Variants in ZFHX3 observed in about 807,000 individuals in gnomAD.
ZFHX3 encodes zinc finger homeobox protein 3.
In ZFHX3, 42 loss-of-function variants were observed where a neutral mutation model predicts 279.1. The observed-to-expected ratio is 0.15, with a 90% CI of 0.12 to 0.19. The LOEUF is 0.19. Ranked by LOEUF, ZFHX3 falls within the 10% of genes least tolerant of loss-of-function variation. The pLI, the probability that ZFHX3 is intolerant of heterozygous loss-of-function variation, is 1.00. For synonymous variants in ZFHX3, 2,293 were observed against 1,957.8 expected (o/e 1.17, Z -4.52); for missense variants, 4,981 against 4,754.0 (o/e 1.05, Z -1.40).
chr16:73,830,260 G>T (rs571437576), intron 1 of ZFHX3, among the ~76,000 whole-genome samples: 1 of 141,760 alleles, frequency 7.1e-6, no homozygotes, highest in Non-Finnish European at 1.5e-5. Context: ...GCCCTGCTTC[G>T]GCTCGCGCAC....
intron 4 of ZFHX3, among the ~76,000 whole-genome samples, chr16:73,272,589 C>T (rs1348388439): frequency 1.3e-5 from 2 of 152,188 alleles, no homozygotes; most frequent in Non-Finnish European, 2.9e-5. Flanking sequence ...AAATAAAACA[C>T]AACCGCTGCC....
intron 3 of ZFHX3, among the ~76,000 whole-genome samples, chr16:73,338,844 T>C (rs1381088740): frequency 1.3e-5 from 2 of 152,168 alleles, no homozygotes; most frequent in Non-Finnish European, 2.9e-5. Context: ...ATGAATGGTT[T>C]AGCACCATCC....
At chr16:73,407,444 C>T (rs1054195686) in intron 3 of ZFHX3, among the ~76,000 whole-genome samples, 1 of 152,102 alleles carries the variant, frequency 6.6e-6, no homozygotes, top group Non-Finnish European at 1.5e-5. Context: ...CTCTGAGACC[C>T]ACACAGCTTG....
chr16:72,981,795 G>C (rs149769951), intron 1 of ZFHX3, among the ~76,000 whole-genome samples: 1 of 152,110 alleles, frequency 6.6e-6, no homozygotes, highest in East Asian at 1.9e-4. Context: ...ATGTGACCAA[G>C]GGCACAGTCA....
intron 3 of ZFHX3, among the ~76,000 whole-genome samples, chr16:73,322,484 T>C (rs993873927): frequency 6.6e-6 from 1 of 152,204 alleles, no homozygotes; most frequent in Admixed American, 6.5e-5. Context: ...GAAGAATGTT[T>C]AGCTTCGGGT....
At chr16:73,369,239 G>T (rs1050943791) in intron 3 of ZFHX3, among the ~76,000 whole-genome samples, 7 of 152,162 alleles carry the variant, frequency 4.6e-5, no homozygotes, top group Non-Finnish European at 7.3e-5. Context: ...ATTTAGTAGG[G>T]TTGAAACAAT....
At chr16:73,830,495 G>A (rs1275889448) in intron 1 of ZFHX3, among the ~76,000 whole-genome samples, 1 of 152,128 alleles carries the variant, frequency 6.6e-6, no homozygotes, top group East Asian at 1.9e-4. Flanking sequence ...GAAACCTGTG[G>A]GTACATGGGA....
chr16:73,333,484 A>C (rs981151185), intron 3 of ZFHX3, among the ~76,000 whole-genome samples: 3 of 152,206 alleles, frequency 2.0e-5, no homozygotes, highest in Non-Finnish European at 4.4e-5. Context: ...AAAGAAAGCA[A>C]GAAAGCAAGC....
chr16:73,545,919 G>A (rs533101294), intron 2 of ZFHX3, among the ~76,000 whole-genome samples: 1 of 152,198 alleles, frequency 6.6e-6, no homozygotes, highest in South Asian at 2.1e-4. Context: ...GCAGTTCCGA[G>A]TTCCCAGAAT....
intron 4 of ZFHX3, among the ~76,000 whole-genome samples, chr16:72,868,312 G>C (rs1361695161): frequency 6.6e-6 from 1 of 152,114 alleles, no homozygotes; most frequent in African/African-American, 2.4e-5. Context: ...CCCACTTGGA[G>C]AATCAGCGCC....
chr16:72,794,850 A>G lies in ZFHX3; in HGVS notation c.7832T>C (p.Met2611Thr). 6.2e-7 allele frequency: 1 copy of G among 1,613,854 alleles called. No homozygotes were observed. Among genetic ancestry groups the G allele is most frequent in the Non-Finnish European group, 8.5e-7 (1 of 1,180,012 alleles). The change falls in exon 9 of 10, where the codon ATG (methionine) becomes ACG (threonine). Residue 2611 changes from methionine (M) to threonine (T), a missense_variant. Met to Thr is a moderately conservative substitution (Grantham distance 81). Coordinates refer to ENST00000268489, the MANE Select transcript of ZFHX3 (RefSeq NM_006885.4). The surrounding 1 kb of genome is among the most constrained non-coding windows in gnomAD (Gnocchi z 4.2). Reference protein sequence around the residue: ...ATSPSTPTSTMNTLKRKLEEK... With the variant: ...ATSPSTPTSTTNTLKRKLEEK... ...CTCCAGCTTCCTCTTGAGAGTGTTC[A>G]TTGTGGAGGTTGGAGTTGAAGGAGA...
intron 2 of ZFHX3, among the ~76,000 whole-genome samples, chr16:73,526,879 C>T (rs1316533705): frequency 6.6e-6 from 1 of 151,682 alleles, no homozygotes; most frequent in East Asian, 1.9e-4. Context: ...CCCTCTACTT[C>T]TTATCTAGTA....
At chr16:73,890,924 CATCA>C (rs1253213507) in intron 1 of ZFHX3, among the ~76,000 whole-genome samples, 1 of 151,642 alleles carries the variant, frequency 6.6e-6, no homozygotes, top group Non-Finnish European at 1.5e-5. Flanking sequence ...GAGCTGGTGA[CATCA>C]ATCAACTGTG....
rs551109249 is a variant in ZFHX3 at position 73,882,031 on chromosome 16, G to A, written c.-1608+9620C>T. ...ATTAGCTAATGATTAATTAGTTAAT[G>A]TTTTCAAAGCACTTTGAAGATGAAA... is the stretch of plus-strand genomic sequence containing the variant. On this transcript the variant is annotated intron_variant, in intron 1 of 17. Coordinates refer to the ZFHX3 transcript ENST00000641206. Among the ~76,000 whole-genome samples the A allele has an allele frequency of 7.4e-4, 112 of 152,244 alleles. 1 individual carries two copies. Among genetic ancestry groups the A allele is most frequent in the African/African-American group, 2.7e-3 (111 of 41,542 alleles).
chr16:72,939,528 C>G (rs1384920753), intron 3 of ZFHX3, among the ~76,000 whole-genome samples: 4 of 152,206 alleles, frequency 2.6e-5, no homozygotes, highest in African/African-American at 9.6e-5. Flanking sequence ...GACTCGCTCC[C>G]AAGGGCAAAA....
chr16:72,874,771 G>A (rs1012542301), intron 4 of ZFHX3, among the ~76,000 whole-genome samples: 2 of 152,250 alleles, frequency 1.3e-5, no homozygotes, highest in Admixed American at 1.3e-4. Context: ...TGGCATTGCC[G>A]GCGTAAGCCA....
rs146422920 is a variant in ZFHX3, at chr16:73,760,269, C to T, written c.-1607-80029G>A. On this transcript the variant is annotated intron_variant, in intron 1 of 17. Coordinates refer to the ZFHX3 transcript ENST00000641206. ...ATTGAATCCCTGAGTAGATCAATAA[C>T]GAGTTCTGAAATTGAGGCAGTAATA... 3.4e-3 allele frequency among the ~76,000 whole-genome samples: 510 copies of T among 152,162 alleles called. 3 individuals carry two copies. Among genetic ancestry groups the T allele is most frequent in the East Asian group, 0.014 (70 of 5,168 alleles).
intron 1 of ZFHX3, among the ~76,000 whole-genome samples, chr16:73,888,059 C>A (rs148164310): frequency 6.6e-6 from 1 of 152,144 alleles, no homozygotes; most frequent in African/African-American, 2.4e-5. Context: ...CCCCTCCTTT[C>A]CATCTGCATC....
At chr16:73,459,845 CACTG>C (rs1371538985) in intron 2 of ZFHX3, among the ~76,000 whole-genome samples, 2 of 152,174 alleles carry the variant, frequency 1.3e-5, no homozygotes, top group African/African-American at 2.4e-5. Context: ...CCTGAGAACT[CACTG>C]ACTATCACAA....
Sources: gnomAD v4.1 joint callset for allele counts (sites outside exome capture counted in the v4.1 genomes callset) on GRCh38, gnomAD v4.1.1 for gene constraint, Gnocchi (gnomAD v3.1) non-coding constraint, MANE v1.5 for transcripts, NCBI Gene and HGNC (gene_info 2026-07-23, HGNC 2026-07-21) for gene names.